The following SLC25A26 variants were observed in gnomAD, a reference collection of about 807,000 sequenced individuals.
The protein encoded by SLC25A26 is mitochondrial S-adenosylmethionine carrier protein.
Under a neutral mutation model 37.8 loss-of-function variants are expected in SLC25A26, and 36 were observed. That is an observed-to-expected ratio of 0.95 (90% confidence interval 0.73 to 1.26). The LOEUF (loss-of-function observed/expected upper bound fraction) is 1.26, where lower values mean the gene tolerates loss of function less well. SLC25A26 is among the 50% of genes most tolerant of loss of function. The pLI is 0.00. For synonymous variants in SLC25A26, 129 were observed against 122.5 expected (o/e 1.05, Z -0.35); for missense variants, 390 against 331.1 (o/e 1.18, Z -1.38).
chr3:66,259,605 C>T (rs2073442872), intron 3 of SLC25A26, among the ~76,000 whole-genome samples: 1 of 152,184 alleles, frequency 6.6e-6, no homozygotes, highest in Non-Finnish European at 1.5e-5. Context: ...GCATTTTACT[C>T]CTTTTTCCTC....
chr3:66,285,618 C>A (rs2074486227), intron 5 of SLC25A26, among the ~76,000 whole-genome samples: 1 of 132,772 alleles, frequency 7.5e-6, no homozygotes, highest in Non-Finnish European at 1.6e-5. Flanking sequence ...CACCAGCACT[C>A]CTGGCTAATT....
intron 5 of SLC25A26, among the ~76,000 whole-genome samples, chr3:66,286,929 C>T (rs1209332863): frequency 1.1e-4 from 16 of 152,078 alleles, no homozygotes. Context: ...TCCTGAAGTG[C>T]TGGGATTACA....
chr3:66,137,104 A>G (rs1165169427), intron 1 of SLC25A26, among the ~76,000 whole-genome samples: 1 of 152,068 alleles, frequency 6.6e-6, no homozygotes, highest in East Asian at 1.9e-4. Context: ...TGACTAATAG[A>G]TGTGAGCTCT....
At chr3:66,360,265 C>T in intron 6 of SLC25A26, among the ~76,000 whole-genome samples, 1 of 152,058 alleles carries the variant, frequency 6.6e-6, no homozygotes, top group East Asian at 1.9e-4. Flanking sequence ...AATGTCAGAC[C>T]ACTCTCAGAA....
intron 2 of SLC25A26, among the ~76,000 whole-genome samples, chr3:66,239,825 T>TC (rs1007620836): frequency 3.0e-5 from 4 of 133,720 alleles, no homozygotes; most frequent in Non-Finnish European, 7.0e-5. Context: ...TCTTTTTTTT[T>TC]TTTTTTTTTT....
intron 5 of SLC25A26, among the ~76,000 whole-genome samples, chr3:66,300,251 G>GGTTT (rs1553688691): frequency 6.3e-5 from 7 of 111,612 alleles, no homozygotes; most frequent in Non-Finnish European, 9.6e-5. Context: ...GGGTTTTTTT[G>GGTTT]TTTTGTTTTT....
chr3:66,292,915 G>A (rs143797806), intron 5 of SLC25A26, among the ~76,000 whole-genome samples: 1 of 152,166 alleles, frequency 6.6e-6, no homozygotes, highest in African/African-American at 2.4e-5. Flanking sequence ...GTCACTTTGA[G>A]GTGTGCCAAT....
chr3:66,263,173 G>A (rs1390573953), intron 4 of SLC25A26, 159 bp from the exon 5 acceptor site: 1 of 155,046 alleles, frequency 6.4e-6, no homozygotes, highest in Non-Finnish European at 1.4e-5. Flanking sequence ...GTATAGTTAT[G>A]TACCTTAGGA....
At chr3:66,146,222 C>A (rs1334787584) in intron 1 of SLC25A26, among the ~76,000 whole-genome samples, 1 of 151,888 alleles carries the variant, frequency 6.6e-6, no homozygotes, top group Non-Finnish European at 1.5e-5. Context: ...CACCTGTAAC[C>A]TCAGCTACTT....
At chr3:66,140,561 G>A (rs931195487) in intron 1 of SLC25A26, among the ~76,000 whole-genome samples, 4 of 152,286 alleles carry the variant, frequency 2.6e-5, no homozygotes, top group Non-Finnish European at 2.9e-5. Context: ...CAGGATGCAC[G>A]CTGAGGTAAA....
intron 9 of SLC25A26, among the ~76,000 whole-genome samples, chr3:66,372,883 A>G (rs1230466895): frequency 6.6e-6 from 1 of 151,976 alleles, no homozygotes; most frequent in Non-Finnish European, 1.5e-5. Flanking sequence ...TAAGTTTACT[A>G]GGTACTACTT....
At chr3:66,334,332 T>C (rs2076046312) in intron 5 of SLC25A26, among the ~76,000 whole-genome samples, 1 of 152,130 alleles carries the variant, frequency 6.6e-6, no homozygotes. Context: ...TGTTTTGTTT[T>C]GAGACAGAGT....
intron 2 of SLC25A26, 176 bp downstream of exon 2, chr3:66,236,876 G>A (rs181120306): frequency 1.2e-4 from 27 of 226,268 alleles, no homozygotes; most frequent in East Asian, 1.8e-4. Flanking sequence ...TCACTTTGTC[G>A]CCCAGGTGGG....
intron 5 of SLC25A26, among the ~76,000 whole-genome samples, chr3:66,327,523 G>T (rs139926606): frequency 1.1e-3 from 161 of 152,132 alleles, no homozygotes; most frequent in African/African-American, 3.6e-3. Context: ...AATGAAACGT[G>T]TATATAAAAT....
chr3:66,148,363 C>T (rs75007547), intron 1 of SLC25A26, among the ~76,000 whole-genome samples: 13,453 of 152,184 alleles, frequency 0.088, 751 homozygotes, highest in Middle Eastern at 0.17. Context: ...GAAGCTGTTA[C>T]CACCCGTAGA....
At chr3:66,365,373 A>G (rs332384) in intron 7 of SLC25A26, among the ~76,000 whole-genome samples, 9,861 of 152,244 alleles carry the variant, frequency 0.065, 401 homozygotes, top group African/African-American at 0.11. Context: ...ATGTCCCGTG[A>G]TCTTGGAGGT....
At chr3:66,333,363 C>A (rs60746488) in intron 5 of SLC25A26, among the ~76,000 whole-genome samples, 2,382 of 152,152 alleles carry the variant, frequency 0.016, 75 homozygotes, top group African/African-American at 0.055. Context: ...GCTGTTTTTT[C>A]CATTTGACCT....
At chr3:66,156,990 T>C (rs1475404441) in intron 1 of SLC25A26, among the ~76,000 whole-genome samples, 2 of 152,070 alleles carry the variant, frequency 1.3e-5, no homozygotes, top group East Asian at 3.9e-4. Flanking sequence ...CCCAGCACTT[T>C]GGGATGCTGA....
Position 66,377,951 on chromosome 3 carries a change from G to A in SLC25A26, c.*144G>A, listed in dbSNP as rs911247171. On this transcript the variant is annotated 3_prime_UTR_variant, in exon 10 of 10. Transcript: ENST00000354883. ...TACCGGCATGGAGATTGTGCCATCC[G>A]TGGTATAGGCTGGCTGGTATGAAGT... 7.6e-5 allele frequency: 50 copies of A among 657,042 alleles called. No individual in the cohort carries two copies. The highest frequency in any genetic ancestry group is 1.1e-4 in the Admixed American group (4 of 37,588). The allele number at this position is 657,042 out of a possible 1,614,324, so 40.7% of individuals were successfully genotyped here. A position where few individuals can be genotyped will look rare whatever the true frequency, so the allele number is the denominator to read the frequency against.
Sources: allele counts gnomAD v4.1 joint callset (sites outside exome capture counted in the v4.1 genomes callset), GRCh38; gene constraint gnomAD v4.1.1; transcripts MANE v1.5; gene names NCBI Gene and HGNC (gene_info 2026-07-23, HGNC 2026-07-21).